Variants in TBC1D8 observed in about 807,000 individuals in gnomAD.
TBC1D8 encodes TBC1 domain family member 8, also known as BUB2-like protein 1.
A neutral mutation model predicts 118.8 loss-of-function variants in TBC1D8; 65 were observed. The observed-to-expected ratio is 0.55, with a 90% confidence interval of 0.45 to 0.67. TBC1D8 has a LOEUF of 0.67. TBC1D8 is among the 30% of genes least tolerant of loss of function. The pLI is 0.00. For missense variants in TBC1D8, 1,376 were observed against 1,471.2 expected (o/e 0.94, Z 1.06); for synonymous variants, 566 against 595.8 (o/e 0.95, Z 0.73).
At position 101,078,175 on chromosome 2, in the gene TBC1D8, G is replaced by A. The variant is rs1415769828; in HGVS notation, c.283+12034C>T. 3.3e-5 allele frequency among the ~76,000 whole-genome samples: 5 copies of A among 152,162 alleles called. No homozygotes were observed. The East Asian group carries it at 9.6e-4, about 29-fold the overall frequency. Reference sequence around the variant, plus strand: ...TCCGAATTTTCAGGGAGACTGATTTGAGTAACACAACTCCAGTCTTCCGTT... The same window carrying A: ...TCCGAATTTTCAGGGAGACTGATTTAAGTAACACAACTCCAGTCTTCCGTT... On this transcript the variant is annotated intron_variant, in intron 2 of 19. Coordinates refer to ENST00000409318, the MANE Select transcript of TBC1D8 (RefSeq NM_001330348.2).
chr2:101,136,929 C>T (rs1678877433), intron 1 of TBC1D8, among the ~76,000 whole-genome samples: 1 of 152,138 alleles, frequency 6.6e-6, no homozygotes, highest in Non-Finnish European at 1.5e-5. Context: ...TGAGGCTGCG[C>T]AATGCTCTTT....
chr2:101,118,302 T>C (rs1359675350), intron 1 of TBC1D8, among the ~76,000 whole-genome samples: 2 of 152,110 alleles, frequency 1.3e-5, no homozygotes, highest in African/African-American at 4.8e-5. Flanking sequence ...CCAGAGCCAC[T>C]GGGCAAGAGA....
At chr2:101,127,502 A>T (rs569939814) in intron 1 of TBC1D8, among the ~76,000 whole-genome samples, 7 of 152,252 alleles carry the variant, frequency 4.6e-5, no homozygotes. Context: ...GTATGGAGAA[A>T]AGAAAGCACT....
chr2:101,017,749 G>A (rs936195176), intron 17 of TBC1D8: 2 of 1,237,594 alleles, frequency 1.6e-6, no homozygotes, highest in African/African-American at 1.5e-5. Context: ...ATAGGGTCAA[G>A]TGACAAAAAG....
chr2:101,128,946 G>C (rs563731466), intron 1 of TBC1D8, among the ~76,000 whole-genome samples: 1 of 152,066 alleles, frequency 6.6e-6, no homozygotes, highest in African/African-American at 2.4e-5. Context: ...ACCATAGAGG[G>C]AGGGAGCAGG....
At chr2:101,054,684 T>G (rs1214100643) in intron 3 of TBC1D8, among the ~76,000 whole-genome samples, 2 of 120,906 alleles carry the variant, frequency 1.7e-5, no homozygotes, top group Admixed American at 8.7e-5. Context: ...TTTTTTTTTT[T>G]TTTTTTTTTT....
intron 2 of TBC1D8, chr2:101,068,523 T>G: frequency 2.1e-6 from 1 of 475,482 alleles, no homozygotes; most frequent in Admixed American, 3.2e-5. Flanking sequence ...GGAACCACAG[T>G]GGTGGTATGT....
At chr2:101,023,642 G>T in intron 15 of TBC1D8, 1 of 433,018 alleles carries the variant, frequency 2.3e-6, no homozygotes, top group East Asian at 8.1e-5. Context: ...TTTAAGGTGA[G>T]TTGAAGTCTT....
At chr2:101,105,543 C>G (rs558854423) in intron 1 of TBC1D8, among the ~76,000 whole-genome samples, 2 of 148,748 alleles carry the variant, frequency 1.3e-5, no homozygotes, top group Admixed American at 1.4e-4. Flanking sequence ...GAGCTAAGAT[C>G]ATGCCACTAC....
intron 2 of TBC1D8, among the ~76,000 whole-genome samples, chr2:101,074,391 C>T (rs1461906153): frequency 2.0e-5 from 3 of 152,150 alleles, no homozygotes; most frequent in Admixed American, 2.0e-4. Flanking sequence ...AAAGTCTGAA[C>T]TACTGAAAAT....
Position 101,011,033 on chromosome 2 carries a change from A to G in TBC1D8, c.2918-7T>C. ...TGATAATCAACTGCATCACCTTGAA[A>G]CAAAGGAAAACAATATGTGGTTTAA... On this transcript the variant is annotated splice_region_variant and splice_polypyrimidine_tract_variant and intron_variant, in intron 18 of 19. Coordinates refer to ENST00000409318, the MANE Select transcript of TBC1D8 (RefSeq NM_001330348.2). The G allele has an allele frequency of 1.2e-6, 2 of 1,609,292 alleles. No homozygotes were observed. Among genetic ancestry groups the G allele is most frequent in the Non-Finnish European group, 1.7e-6 (2 of 1,178,440 alleles).
Position 101,096,430 on chromosome 2 carries a change from A to AC in TBC1D8, c.128-6067_128-6066insG, listed in dbSNP as rs1381303094. Among the ~76,000 whole-genome samples, 20 of 147,336 alleles carry AC rather than the reference A, an allele frequency of 1.4e-4. No individual in the cohort carries two copies. In the East Asian group the frequency reaches 1.8e-3, roughly 13 times the overall value. ...TGTCTGGCTTTTGACAAAAAAAAAA[A>AC]AAAAAAAAAAAAAAAAACTATAATG... On this transcript the variant is annotated intron_variant, in intron 1 of 19. Coordinates refer to ENST00000409318, the MANE Select transcript of TBC1D8 (RefSeq NM_001330348.2).
In TBC1D8 at chr2:101,095,971, T is replaced by C. The variant is rs79781158; in HGVS notation, c.128-5607A>G. 9.5e-3 allele frequency among the ~76,000 whole-genome samples: 1,445 copies of C among 152,246 alleles called. 25 individuals carry two copies. The highest frequency in any genetic ancestry group is 0.033 in the African/African-American group (1,363 of 41,546). ...ATTATAGAACTCTTCCCCTCCCCCA[T>C]ACCTGACCACCACACCAACAGGCTC... On this transcript the variant is annotated intron_variant, in intron 1 of 19. Coordinates refer to ENST00000409318, the MANE Select transcript of TBC1D8 (RefSeq NM_001330348.2).
chr2:101,084,418 G>A (rs938798296), intron 2 of TBC1D8, among the ~76,000 whole-genome samples: 4 of 152,190 alleles, frequency 2.6e-5, no homozygotes, highest in African/African-American at 9.7e-5. Context: ...GCACAGTGGT[G>A]CGTGCACGTG....
intron 10 of TBC1D8, 80 bp downstream of exon 10, chr2:101,033,464 G>A: frequency 6.5e-7 from 1 of 1,533,508 alleles, no homozygotes; most frequent in Non-Finnish European, 9.0e-7. Context: ...AGATGACTGG[G>A]AATGCAAATG....
intron 1 of TBC1D8, among the ~76,000 whole-genome samples, chr2:101,132,362 T>C (rs1330274695): frequency 6.6e-6 from 1 of 152,170 alleles, no homozygotes; most frequent in Non-Finnish European, 1.5e-5. Flanking sequence ...CACGTGTATA[T>C]CTGTATCTAC....
At position 101,050,654 on chromosome 2, in the gene TBC1D8, AG is replaced by A. The variant is rs766068046; in HGVS notation, c.632-14del. 5 of 1,610,812 alleles carry A rather than the reference AG, an allele frequency of 3.1e-6. No homozygotes were observed. Among genetic ancestry groups the A allele is most frequent in the Non-Finnish European group, 4.2e-6 (5 of 1,178,908 alleles). ...ACCACAAGTTTAACTGTAAGAGAAA[AG>A]GGTGAAATACCTATTATGCCATGAA... On this transcript the variant is annotated splice_polypyrimidine_tract_variant and intron_variant, in intron 4 of 19. Coordinates refer to ENST00000409318, the MANE Select transcript of TBC1D8 (RefSeq NM_001330348.2).
In TBC1D8 at chr2:101,032,329, G is replaced by GAA. The variant is rs760652498; in HGVS notation, c.1873_1874dup (p.Trp626SerfsTer20). 3.1e-6 allele frequency: 5 copies of GAA among 1,613,796 alleles called. No homozygotes were observed. Among genetic ancestry groups the GAA allele is most frequent in the Non-Finnish European group, 4.2e-6 (5 of 1,179,814 alleles). Reference sequence around the variant, plus strand: ...GCTCACACACAGCAACCAACAGCCAGAAGGCTTCCTCCTCCTTGGTGTACA... The same window carrying GAA: ...GCTCACACACAGCAACCAACAGCCAGAAAAGGCTTCCTCCTCCTTGGTGTACA... On this transcript the variant is annotated frameshift_variant, in exon 11 of 20. Transcript: ENST00000409318. LOFTEE classifies it high-confidence loss of function.
intron 17 of TBC1D8, among the ~76,000 whole-genome samples, chr2:101,016,252 A>C (rs1455494665): frequency 6.6e-6 from 1 of 152,242 alleles, no homozygotes; most frequent in Non-Finnish European, 1.5e-5. Flanking sequence ...CGCCATCAAA[A>C]AGTAGGCAAA....
Sources: gnomAD v4.1 joint callset for allele counts (sites outside exome capture counted in the v4.1 genomes callset) on GRCh38, gnomAD v4.1.1 for gene constraint, MANE v1.5 for transcripts, NCBI Gene and HGNC (gene_info 2026-07-23, HGNC 2026-07-21) for gene names.